Variants in DPP6 observed in about 807,000 individuals in gnomAD.
DPP6 encodes dipeptidyl peptidase like 6.
Under a neutral mutation model 122.6 loss-of-function variants are expected in DPP6, and 69 were observed. That is an observed-to-expected ratio of 0.56 (90% CI 0.46 to 0.69). DPP6 has a LOEUF of 0.69. Ranked by LOEUF, DPP6 falls within the 30% of genes least tolerant of loss-of-function variation. DPP6 has a pLI of 0.00. For missense variants in DPP6, 928 were observed against 1,116.9 expected (o/e 0.83, Z 2.41); for synonymous variants, 418 against 433.1 (o/e 0.97, Z 0.43).
chr7:154,039,347 T>C (rs1466000952), intron 1 of DPP6, among the ~76,000 whole-genome samples: 2 of 144,032 alleles, frequency 1.4e-5, no homozygotes, highest in Non-Finnish European at 3.0e-5. Context: ...GAATCTGTAG[T>C]TTTTCAAAGA....
At chr7:154,556,276 T>C (rs1830035240) in intron 4 of DPP6, among the ~76,000 whole-genome samples, 1 of 152,202 alleles carries the variant, frequency 6.6e-6, no homozygotes, top group South Asian at 2.1e-4. Context: ...ATTTTCAGCA[T>C]CTCTCATAGT....
chr7:153,934,907 AGGAGGCTCAGTGCCAGCACGTTT>A (rs552069353), intron 1 of DPP6, among the ~76,000 whole-genome samples: 204 of 152,282 alleles, frequency 1.3e-3, no homozygotes, highest in Admixed American at 0.012. Flanking sequence ...AGTACCAGGG[AGGAGGCTCAGTGCCAGCACGTTT>A]GGATGGAAAT....
In DPP6 at chr7:154,299,731, C is replaced by T. The variant is rs889464571; in HGVS notation, c.244-146483C>T. On this transcript the variant is annotated intron_variant, in intron 1 of 25. Transcript: ENST00000377770. ...TCTCTACCTTCCTGAGCAAATCAGC[C>T]GGCAGGCCTATTTCTTGTAGGGCTT... 9.9e-5 allele frequency among the ~76,000 whole-genome samples: 15 copies of T among 152,276 alleles called. 1 individual carries two copies. Among genetic ancestry groups the T allele is most frequent in the South Asian group, 4.1e-4 (2 of 4,826 alleles).
rs55773345 is a variant in DPP6 at position 154,839,501 on chromosome 7, G to A, written c.1667-14279G>A. On this transcript the variant is annotated intron_variant, in intron 16 of 25. Coordinates refer to ENST00000377770, the MANE Select transcript of DPP6 (RefSeq NM_130797.4). ...TTCCTCTGTGAAATGGGGACGTAGC[G>A]CCTCTTGCCTGGGGCTACGTTAAGG... Among the ~76,000 whole-genome samples, 1,012 of 152,334 alleles carry A rather than the reference G, an allele frequency of 6.6e-3. 8 individuals are homozygous for A. The highest frequency in any genetic ancestry group is 0.014 in the African/African-American group (580 of 41,584).
At chr7:154,715,413 A>C (rs1161312033) in intron 7 of DPP6, among the ~76,000 whole-genome samples, 1 of 152,240 alleles carries the variant, frequency 6.6e-6, no homozygotes, top group Non-Finnish European at 1.5e-5. Context: ...GCTAATGTAC[A>C]TTGAGGCCTA....
chr7:154,391,151 G>A (rs567406435), intron 1 of DPP6, among the ~76,000 whole-genome samples: 1 of 152,330 alleles, frequency 6.6e-6, no homozygotes, highest in East Asian at 1.9e-4. Context: ...GCATCCGTAT[G>A]CCCTTGATTC....
At position 153,888,294 on chromosome 7, in the gene DPP6, C is replaced by G. The variant is rs1330742520; in HGVS notation, c.51+560C>G. 2.6e-5 allele frequency among the ~76,000 whole-genome samples: 4 copies of G among 152,232 alleles called. No homozygotes were observed. In the East Asian group the frequency reaches 7.7e-4, roughly 29 times the overall value. ...CCCTGGATTGGGGACGCTGACTCCCCCAAAAGCTTGACTGTGCCGGAGGAG... is the reference window on the plus strand; with the variant it reads ...CCCTGGATTGGGGACGCTGACTCCCGCAAAAGCTTGACTGTGCCGGAGGAG... On this transcript the variant is annotated intron_variant, in intron 1 of 25. Coordinates refer to the DPP6 transcript ENST00000404039.
At chr7:154,335,765 A>G (rs1238420171) in intron 1 of DPP6, among the ~76,000 whole-genome samples, 1 of 152,114 alleles carries the variant, frequency 6.6e-6, no homozygotes, top group Non-Finnish European at 1.5e-5. Context: ...ATTCGTGGAA[A>G]AACATCAATA....
At chr7:153,957,301 C>G (rs1802505728) in intron 1 of DPP6, among the ~76,000 whole-genome samples, 1 of 152,160 alleles carries the variant, frequency 6.6e-6, no homozygotes, top group Non-Finnish European at 1.5e-5. Context: ...CCGAACCCTC[C>G]CCGCTCACTA....
chr7:154,180,707 T>G (rs1244237518), intron 1 of DPP6, among the ~76,000 whole-genome samples: 1 of 151,866 alleles, frequency 6.6e-6, no homozygotes, highest in African/African-American at 2.4e-5. Context: ...ATTCTAGGAA[T>G]GACAATCTTT....
the DPP6 span, among the ~76,000 whole-genome samples, chr7:153,799,199 TCTTCAC>T: frequency 6.6e-6 from 1 of 152,186 alleles, no homozygotes; most frequent in Non-Finnish European, 1.5e-5. Context: ...ACAGAAAAAT[TCTTCAC>T]CTTCACAGTT....
chr7:154,638,507 A>G (rs1835868306), intron 6 of DPP6, among the ~76,000 whole-genome samples: 1 of 152,028 alleles, frequency 6.6e-6, no homozygotes, highest in Non-Finnish European at 1.5e-5. Flanking sequence ...CCTGCTTTTG[A>G]CTGGGCCCCC....
Position 154,874,219 on chromosome 7 carries a change from C to T in DPP6, c.1883+1526C>T, listed in dbSNP as rs530918586. On this transcript the variant is annotated intron_variant, in intron 19 of 25. Coordinates refer to ENST00000377770, the MANE Select transcript of DPP6 (RefSeq NM_130797.4). ...CCCACTTTCTCCAGGATGCTAACAACTTCCGAACCAGCTTTCTTCCCCTGC... is the reference window on the plus strand; with the variant it reads ...CCCACTTTCTCCAGGATGCTAACAATTTCCGAACCAGCTTTCTTCCCCTGC... Among the ~76,000 whole-genome samples, 4 of 152,350 alleles carry T rather than the reference C, an allele frequency of 2.6e-5. No individual in the cohort carries two copies. In the South Asian group the frequency reaches 8.3e-4, roughly 32 times the overall value.
chr7:154,668,197 TTATATA>T (rs10668895), intron 6 of DPP6, among the ~76,000 whole-genome samples: 4 of 36,484 alleles, frequency 1.1e-4, no homozygotes, highest in Non-Finnish European at 2.3e-4. Context: ...TGTGTATATT[TTATATA>T]TATATATATA....
chr7:154,500,370 A>G (rs941549764), intron 3 of DPP6, among the ~76,000 whole-genome samples: 1 of 152,200 alleles, frequency 6.6e-6, no homozygotes, highest in African/African-American at 2.4e-5. Flanking sequence ...AGTTGGCACC[A>G]TTTCTATAAA....
At chr7:154,332,073 CTTT>C (rs5888570) in intron 1 of DPP6, among the ~76,000 whole-genome samples, 1 of 141,930 alleles carries the variant, frequency 7.0e-6, no homozygotes, top group African/African-American at 2.6e-5. Flanking sequence ...GCTTTTTAAA[CTTT>C]TTTTTTTTTT....
At chr7:154,874,615 C>T (rs765005055) in intron 19 of DPP6, among the ~76,000 whole-genome samples, 2 of 152,242 alleles carry the variant, frequency 1.3e-5, no homozygotes, top group African/African-American at 4.8e-5. Context: ...TCGAGCGCGC[C>T]GCTCCTGGCC....
intron 1 of DPP6, among the ~76,000 whole-genome samples, chr7:153,928,010 T>C (rs1800982054): frequency 6.6e-6 from 1 of 152,172 alleles, no homozygotes; most frequent in Non-Finnish European, 1.5e-5. Flanking sequence ...CCGCCTCTCT[T>C]TCTCTTGCGC....
Position 154,162,446 on chromosome 7 carries a change from G to A in DPP6, c.243+109383G>A, listed in dbSNP as rs562340237. Among the ~76,000 whole-genome samples, 1,363 of 152,308 alleles carry A rather than the reference G, an allele frequency of 8.9e-3. 23 individuals are homozygous for A. The highest frequency in any genetic ancestry group is 0.028 in the African/African-American group (1,182 of 41,572). On this transcript the variant is annotated intron_variant, in intron 1 of 25. Coordinates refer to ENST00000377770, the MANE Select transcript of DPP6 (RefSeq NM_130797.4). ...AAAGGAGTTATTAAATGTGAATAACGTCTTGAATATATAAAATTAGACTGC... is the reference window on the plus strand; with the variant it reads ...AAAGGAGTTATTAAATGTGAATAACATCTTGAATATATAAAATTAGACTGC...
Sources: allele counts gnomAD v4.1 joint callset (sites outside exome capture counted in the v4.1 genomes callset), GRCh38; gene constraint gnomAD v4.1.1; transcripts MANE v1.5; gene names NCBI Gene and HGNC (gene_info 2026-07-23, HGNC 2026-07-21).